Variants in YTHDF3 observed in about 807,000 individuals in gnomAD.
The protein encoded by YTHDF3 is YTH N6-methyladenosine RNA binding protein F3, also known as YTH domain-containing family protein 3.
Under a neutral mutation model 52.5 loss-of-function variants are expected in YTHDF3, and 9 were observed. That is an observed-to-expected ratio of 0.17 (90% CI 0.10 to 0.30). The LOEUF (loss-of-function observed/expected upper bound fraction) is 0.30, where lower values mean the gene tolerates loss of function less well. Ranked by LOEUF, YTHDF3 falls within the 10% of genes least tolerant of loss-of-function variation. The pLI, the probability that YTHDF3 is intolerant of heterozygous loss-of-function variation, is 1.00. For missense variants in YTHDF3, 534 were observed against 715.0 expected, an observed-to-expected ratio of 0.75 and a Z score of 2.89; for synonymous variants, 274 against 243.3, an observed-to-expected ratio of 1.13 and a Z score of -1.18.
chr8:63,199,237 T>G (rs1260559395), intron 4 of YTHDF3, among the ~76,000 whole-genome samples: 1 of 152,192 alleles, frequency 6.6e-6, no homozygotes, highest in Non-Finnish European at 1.5e-5. Flanking sequence ...CATACTATAA[T>G]TGTGAGGTGA....
chr8:63,212,350 A>C lies in YTHDF3; in HGVS notation c.*2644A>C, dbSNP rs1810409907. 1 of 152,524 alleles carries C rather than the reference A, an allele frequency of 6.6e-6. No homozygotes were observed. The highest frequency in any genetic ancestry group is 1.5e-5 in the Non-Finnish European group (1 of 67,996). The allele number at this position is 152,524 out of a possible 1,614,324, so 9.4% of individuals were successfully genotyped here. On this transcript the variant is annotated 3_prime_UTR_variant, in exon 5 of 5. Transcript: ENST00000539294. ...ATTTTAGTACTTAATTTCTCTTTTT[A>C]ATTTAAGTGATCTTTCTAATTCGAA...
At position 63,187,719 on chromosome 8, in the gene YTHDF3, CAAG is replaced by C. The variant is rs1808616287; in HGVS notation, c.1713_1715del (p.Glu574del). ...TGACTTTGCACATTATGAAAAGCGT[CAAG>C]AAGAGGAGGAAGCCATGCGTAGGGT... On this transcript the variant is annotated inframe_deletion, in exon 4 of 5. Transcript: ENST00000539294. The C allele has an allele frequency of 1.9e-6, 3 of 1,609,142 alleles. No homozygotes were observed. Among genetic ancestry groups the C allele is most frequent in the Non-Finnish European group, 2.5e-6 (3 of 1,177,476 alleles).
At chr8:63,196,209 G>A (rs1279849629) in intron 4 of YTHDF3, among the ~76,000 whole-genome samples, 11 of 151,350 alleles carry the variant, frequency 7.3e-5, no homozygotes, top group African/African-American at 2.4e-4. Context: ...GCAGTTAGCC[G>A]TGATTGTGCC....
intron 4 of YTHDF3, among the ~76,000 whole-genome samples, chr8:63,207,408 G>T (rs1293427334): frequency 6.6e-6 from 1 of 151,976 alleles, no homozygotes; most frequent in Non-Finnish European, 1.5e-5. Context: ...CATTTATTGT[G>T]ACTCCTAGTT....
chr8:63,195,236 T>G (rs1299082964), intron 4 of YTHDF3, among the ~76,000 whole-genome samples: 1 of 152,194 alleles, frequency 6.6e-6, no homozygotes, highest in Non-Finnish European at 1.5e-5. Flanking sequence ...TTTGATATAT[T>G]TGAGTAAAAT....
chr8:63,198,028 G>A (rs1276541709), intron 4 of YTHDF3, among the ~76,000 whole-genome samples: 1 of 152,150 alleles, frequency 6.6e-6, no homozygotes, highest in Non-Finnish European at 1.5e-5. Flanking sequence ...ATAATTAAGA[G>A]TTTTCAATTG....
chr8:63,171,617 T>C (rs1221054291), intron 2 of YTHDF3, among the ~76,000 whole-genome samples: 2 of 152,214 alleles, frequency 1.3e-5, no homozygotes, highest in Non-Finnish European at 2.9e-5. Context: ...CTGATATAAG[T>C]AGCTATGTGT....
At chr8:63,191,157 T>C (rs1359486493) in intron 4 of YTHDF3, among the ~76,000 whole-genome samples, 3 of 152,214 alleles carry the variant, frequency 2.0e-5, no homozygotes, top group Non-Finnish European at 4.4e-5. Flanking sequence ...TTTTTTGGTG[T>C]GTGCACAAAA....
At chr8:63,189,311 G>A (rs970139498) in intron 4 of YTHDF3, among the ~76,000 whole-genome samples, 3 of 152,184 alleles carry the variant, frequency 2.0e-5, no homozygotes, top group African/African-American at 4.8e-5. Flanking sequence ...ACTAGGGAAA[G>A]TTTTCTCTTC....
At chr8:63,195,540 T>C (rs780118736) in intron 4 of YTHDF3, among the ~76,000 whole-genome samples, 8 of 151,954 alleles carry the variant, frequency 5.3e-5, no homozygotes, top group Non-Finnish European at 8.8e-5. Flanking sequence ...AAATACAGAA[T>C]GGGAAAGATG....
At chr8:63,169,079 GGGCGGGCGGGCGCGGTGCCGC>G (rs1807093533) in intron 1 of YTHDF3, 178 bp downstream of exon 1, 1 of 1,383,368 alleles carries the variant, frequency 7.2e-7, no homozygotes, top group Non-Finnish European at 9.3e-7. Context: ...CGTAGCTTGC[GGGCGGGCGGGCGCGGTGCCGC>G]GGCGGGTGGG....
rs544986056 is a variant in YTHDF3 at position 63,174,964 on chromosome 8, C to T, written c.50-367C>T. Among the ~76,000 whole-genome samples the T allele has an allele frequency of 5.8e-3, 877 of 152,244 alleles. 11 individuals are homozygous for T. The highest frequency in any genetic ancestry group is 0.02 in the African/African-American group (843 of 41,552). ...CAGAAATCTTTTTTATTGCCTACAA[C>T]GCTACTTGAAATAGTTATTTTACAT... On this transcript the variant is annotated intron_variant, in intron 2 of 4. Coordinates refer to ENST00000539294, the MANE Select transcript of YTHDF3 (RefSeq NM_152758.6).
At chr8:63,174,965 G>A (rs1008543768) in intron 2 of YTHDF3, among the ~76,000 whole-genome samples, 1 of 152,024 alleles carries the variant, frequency 6.6e-6, no homozygotes, top group Non-Finnish European at 1.5e-5. Flanking sequence ...TGCCTACAAC[G>A]CTACTTGAAA....
At chr8:63,199,324 A>G (rs1041947277) in intron 4 of YTHDF3, among the ~76,000 whole-genome samples, 3 of 152,174 alleles carry the variant, frequency 2.0e-5, no homozygotes, top group Non-Finnish European at 4.4e-5. Flanking sequence ...CGCAAATACC[A>G]AAATCTGCAC....
chr8:63,171,451 G>A (rs1338650074), intron 2 of YTHDF3, among the ~76,000 whole-genome samples: 1 of 152,130 alleles, frequency 6.6e-6, no homozygotes, highest in African/African-American at 2.4e-5. Flanking sequence ...AGCCTTGGCA[G>A]GAGGGGAAAA....
chr8:63,188,678 C>CATATATATATATATATAT (rs1166458271), intron 4 of YTHDF3: 20 of 61,972 alleles, frequency 3.2e-4, no homozygotes, highest in East Asian at 1.2e-3. Context: ...TAAGAAATTA[C>CATATATATATATATATAT]ATATATATAT....
Position 63,186,969 on chromosome 8 carries a change from C to A in YTHDF3, c.958C>A (p.Gln320Lys), listed in dbSNP as rs1808553573. Reference protein sequence around the residue: ...PPPLVQSQLPQQQPQPPQPQQ... With the variant: ...PPPLVQSQLPKQQPQPPQPQQ... ...ACCATTGGTGCAAAGCCAACTGCCT[C>A]AACAGCAGCCTCAACCACCACAACC... Residue 320 changes from glutamine to lysine, a missense_variant, in exon 4 of 5, where the codon CAA (glutamine) becomes AAA (lysine). Transcript: ENST00000539294. 1 of 1,613,626 alleles carries A rather than the reference C, an allele frequency of 6.2e-7. No homozygotes were observed. The highest frequency in any genetic ancestry group is 8.5e-7 in the Non-Finnish European group (1 of 1,179,778).
At chr8:63,205,850 T>G (rs142091511) in intron 4 of YTHDF3, among the ~76,000 whole-genome samples, 1 of 152,198 alleles carries the variant, frequency 6.6e-6, no homozygotes, top group Admixed American at 6.5e-5. Context: ...CTTGCTGATA[T>G]AAATGTGGGG....
Position 63,168,624 on chromosome 8 carries a change from A to G in YTHDF3, c.-254A>G, listed in dbSNP as rs1270997527. ...CAGGGAGGCTCGGAGCGGAAGTGAG[A>G]CTAGGGAGTCTGTCCGCCATTGTGG... On this transcript the variant is annotated 5_prime_UTR_variant, in exon 1 of 5. Transcript: ENST00000539294. 3 of 642,926 alleles carry G rather than the reference A, an allele frequency of 4.7e-6. No individual in the cohort carries two copies. The highest frequency in any genetic ancestry group is 8.0e-6 in the Non-Finnish European group (3 of 376,112). 39.8% of individuals were successfully genotyped at this position (642,926 alleles called of 1,614,324 possible). A position where few individuals can be genotyped will look rare whatever the true frequency, so the allele number is the denominator to read the frequency against.
Sources: allele counts gnomAD v4.1 joint callset (sites outside exome capture counted in the v4.1 genomes callset), GRCh38; gene constraint gnomAD v4.1.1; transcripts MANE v1.5; gene names NCBI Gene and HGNC (gene_info 2026-07-23, HGNC 2026-07-21).